Variants in ZW10 observed in about 807,000 individuals in gnomAD.
ZW10 encodes centromere/kinetochore protein zw10 homolog.
In ZW10, 53 loss-of-function variants were observed where a neutral mutation model predicts 87.8. That is an observed-to-expected ratio of 0.60 (90% CI 0.48 to 0.76). The LOEUF (loss-of-function observed/expected upper bound fraction) is 0.76, where lower values mean the gene tolerates loss of function less well. Ranked by LOEUF, ZW10 falls within the 30% of genes least tolerant of loss-of-function variation. ZW10 has a pLI of 0.00. For synonymous variants in ZW10, 312 were observed against 329.2 expected (o/e 0.95, Z 0.57); for missense variants, 837 against 923.0 (o/e 0.91, Z 1.21).
chr11:113,738,486 C>T, intron 12 of ZW10, 92 bp from the exon 13 acceptor site: 1 of 1,192,742 alleles, frequency 8.4e-7, no homozygotes, highest in Non-Finnish European at 1.1e-6. Flanking sequence ...AACCATGTAT[C>T]TGTTCTGCCT....
At chr11:113,767,768 T>C (rs765147727) in intron 2 of ZW10, among the ~76,000 whole-genome samples, 37 of 152,314 alleles carry the variant, frequency 2.4e-4, no homozygotes, top group Non-Finnish European at 4.7e-4. Flanking sequence ...TGCAAGGCCC[T>C]TGCTTACCTT....
At chr11:113,772,278 A>G (rs1953975287) in intron 1 of ZW10, among the ~76,000 whole-genome samples, 1 of 152,220 alleles carries the variant, frequency 6.6e-6, no homozygotes, top group Admixed American at 6.5e-5. Flanking sequence ...GTCGCTTGCC[A>G]TGCTAGAGTA....
In ZW10 at chr11:113,738,375, G is replaced by A. The variant is rs1375573245; in HGVS notation, c.1773C>T (p.Ala591=). ...FRRLGTECFL[A]QMRAQKGELL... ...GTTCACCTTTCTGTGCCCGCATTTG[G>A]GCCAAAAAGCATTCTGTCCCTATGA... Residue 591 remains alanine (A), a synonymous_variant, in exon 13 of 16, where the codon GCC becomes GCT. Transcript: ENST00000200135. The A allele has an allele frequency of 1.2e-6, 2 of 1,610,818 alleles. No homozygotes were observed. Among genetic ancestry groups the A allele is most frequent in the South Asian group, 1.1e-5 (1 of 90,500 alleles).
intron 7 of ZW10, among the ~76,000 whole-genome samples, chr11:113,756,524 T>G (rs1434452743): frequency 6.6e-6 from 1 of 152,190 alleles, no homozygotes; most frequent in Non-Finnish European, 1.5e-5. Flanking sequence ...CCTAAAGATT[T>G]AATTTGCAAA....
At chr11:113,759,158 T>C (rs888300540) in intron 5 of ZW10, among the ~76,000 whole-genome samples, 3 of 152,156 alleles carry the variant, frequency 2.0e-5, no homozygotes, top group Non-Finnish European at 4.4e-5. Flanking sequence ...ATTGAGCTAC[T>C]GCACTCCAGC....
intron 2 of ZW10, among the ~76,000 whole-genome samples, chr11:113,767,994 CCTCT>C (rs1953925770): frequency 6.6e-6 from 1 of 152,180 alleles, no homozygotes; most frequent in South Asian, 2.1e-4. Context: ...AGCTATATCT[CCTCT>C]CTCTAACTGT....
chr11:113,772,551 T>C (rs1430580447), intron 1 of ZW10, among the ~76,000 whole-genome samples: 5 of 152,066 alleles, frequency 3.3e-5, no homozygotes, highest in Non-Finnish European at 7.4e-5. Context: ...GGTAACAATA[T>C]CAGTACAAAG....
chr11:113,773,629 C>G lies in ZW10; in HGVS notation c.38G>C (p.Gly13Ala). The change falls in exon 1 of 16, where the codon GGG becomes GCG. Residue 13 changes from glycine (G) to alanine (A), a missense_variant. Physicochemically the swap from Gly to Ala is moderately conservative, Grantham distance 60 (BLOSUM62 0). Transcript: ENST00000200135. Reference protein sequence around the residue: ...SFVTEVLAHSGRLEKEDLGTR... With the variant: ...SFVTEVLAHSARLEKEDLGTR... Reference sequence around the variant, plus strand: ...CCCCAGATCCTCCTTTTCCAGCCTCCCGGAGTGTGCCAAAACTTCTGTCAC... The same window carrying G: ...CCCCAGATCCTCCTTTTCCAGCCTCGCGGAGTGTGCCAAAACTTCTGTCAC... 6.2e-7 allele frequency: 1 copy of G among 1,614,036 alleles called. No homozygotes were observed. The highest frequency in any genetic ancestry group is 8.5e-7 in the Non-Finnish European group (1 of 1,179,966).
intron 9 of ZW10, among the ~76,000 whole-genome samples, chr11:113,744,754 C>G (rs1953662759): frequency 6.6e-6 from 1 of 152,062 alleles, no homozygotes; most frequent in African/African-American, 2.4e-5. Flanking sequence ...AAAGGTCTTG[C>G]TATATGGCCC....
intron 7 of ZW10, among the ~76,000 whole-genome samples, chr11:113,749,272 T>A (rs903342420): frequency 1.3e-5 from 2 of 152,168 alleles, no homozygotes; most frequent in African/African-American, 2.4e-5. Context: ...TAAAGTCTAG[T>A]CTGCATTGTC....
chr11:113,738,255 G>A lies in ZW10; in HGVS notation c.1884+9C>T. 6.3e-7 allele frequency: 1 copy of A among 1,592,100 alleles called. No individual in the cohort carries two copies. Among genetic ancestry groups the A allele is most frequent in the Admixed American group, 1.8e-5 (1 of 54,488 alleles). ...AATACAAATTTCAGTGCTAGCAAGA[G>A]CCTCCTACCTGCCGGACTGCTTTAC... On this transcript the variant is annotated intron_variant, in intron 13 of 15. Transcript: ENST00000200135.
chr11:113,754,911 G>C (rs1253339864), intron 7 of ZW10, among the ~76,000 whole-genome samples: 6 of 152,074 alleles, frequency 3.9e-5, no homozygotes, highest in African/African-American at 1.4e-4. Flanking sequence ...AAAGCTCTTG[G>C]ATTACAGGTG....
At chr11:113,737,817 G>A in intron 13 of ZW10, 114 bp from the exon 14 acceptor site, 2 of 1,236,658 alleles carry the variant, frequency 1.6e-6, no homozygotes, top group South Asian at 1.6e-5. Context: ...GCCAAAATGA[G>A]GTAAAGTAAC....
Position 113,757,840 on chromosome 11 carries a change from C to T in ZW10, c.747G>A (p.Leu249=), listed in dbSNP as rs1203082619. Residue 249 remains leucine, a synonymous_variant, in exon 7 of 16, where the codon CTG becomes CTA. Coordinates refer to ENST00000200135, the MANE Select transcript of ZW10 (RefSeq NM_004724.4). ...SKLKSFGQML[L]KYILRPLASC... is the part of the protein sequence containing the mutation. ...ATGCCAGCGGCCTAAGGATATACTTCAGCAGCATCTGACCTGAAAAATCAT... is the reference window on the plus strand; with the variant it reads ...ATGCCAGCGGCCTAAGGATATACTTTAGCAGCATCTGACCTGAAAAATCAT... 2 of 1,596,934 alleles carry T rather than the reference C, an allele frequency of 1.3e-6. No individual in the cohort carries two copies. Among genetic ancestry groups the T allele is most frequent in the East Asian group, 4.5e-5 (2 of 44,432 alleles).
chr11:113,747,799 A>C (rs914854736), intron 8 of ZW10, 86 bp from the exon 9 acceptor site: 16 of 1,140,676 alleles, frequency 1.4e-5, no homozygotes, highest in Non-Finnish European at 1.9e-5. Context: ...GTATAAAAAA[A>C]TGAGGACCAA....
intron 2 of ZW10, among the ~76,000 whole-genome samples, chr11:113,767,023 A>AG (rs968245590): frequency 1.3e-5 from 2 of 152,010 alleles, no homozygotes; most frequent in Non-Finnish European, 2.9e-5. Flanking sequence ...CTCAAAAAAA[A>AG]TTTTTTTAAA....
At chr11:113,756,237 A>T (rs1953783582) in intron 7 of ZW10, among the ~76,000 whole-genome samples, 1 of 152,222 alleles carries the variant, frequency 6.6e-6, no homozygotes, top group Non-Finnish European at 1.5e-5. Flanking sequence ...CAAGAAGGCC[A>T]TCTGCAAGAT....
chr11:113,735,580 C>T (rs892628041), intron 15 of ZW10, among the ~76,000 whole-genome samples: 2 of 151,730 alleles, frequency 1.3e-5, no homozygotes, highest in Non-Finnish European at 2.9e-5. Context: ...AGACAAGTAC[C>T]TATAGGGATG....
chr11:113,760,545 T>G lies in ZW10; in HGVS notation c.388A>C (p.Lys130Gln), dbSNP rs755967618. 6.2e-7 allele frequency: 1 copy of G among 1,613,968 alleles called. No individual in the cohort carries two copies. Among genetic ancestry groups the G allele is most frequent in the South Asian group, 1.1e-5 (1 of 91,020 alleles). Residue 130 changes from lysine (K) to glutamine (Q), a missense_variant, in exon 4 of 16, where the codon AAG (lysine) becomes CAG (glutamine). Transcript: ENST00000200135. ...AGACGCTGAGCACCAGTGACATACT[T>G]CTTCTCTGTTAATGCACAATTATAT... Reference protein sequence around the residue: ...EEYNCALTEKKYVTGAQRLEE... With the variant: ...EEYNCALTEKQYVTGAQRLEE...
Sources: allele counts gnomAD v4.1 joint callset (sites outside exome capture counted in the v4.1 genomes callset), GRCh38; gene constraint gnomAD v4.1.1; transcripts MANE v1.5; gene names NCBI Gene and HGNC (gene_info 2026-07-23, HGNC 2026-07-21).